The following ZNF618 variants were observed in gnomAD, a reference collection of about 807,000 sequenced individuals.
ZNF618 encodes neural precursor cell expressed, developmentally down-regulated 10.
ZNF618 carries 34 observed loss-of-function variants against 103.0 expected under a neutral mutation model. The observed-to-expected ratio is 0.33, with a 90% CI of 0.25 to 0.44. ZNF618 has a LOEUF of 0.44. Among genes scored for constraint, ZNF618 ranks in the 20% least tolerant of loss-of-function variants. ZNF618 has a pLI of 1.00. For missense variants in ZNF618, 1,059 were observed against 1,295.4 expected, an observed-to-expected ratio of 0.82 and a Z score of 2.80; for synonymous variants, 551 against 542.2, an observed-to-expected ratio of 1.02 and a Z score of -0.23.
Position 114,032,707 on chromosome 9 carries a change from A to C in ZNF618, c.1147A>C (p.Ser383Arg). 6.2e-7 allele frequency: 1 copy of C among 1,614,064 alleles called. No homozygotes were observed. The highest frequency in any genetic ancestry group is 8.5e-7 in the Non-Finnish European group (1 of 1,179,894). The change falls in exon 12 of 15, where the codon AGC becomes CGC. Residue 383 changes from serine to arginine, a missense_variant. By Grantham distance (110) the Ser-to-Arg change is moderately radical. Transcript: ENST00000374126. ...ACAAAACCACTTTGAAGAGACGAAC[A>C]GCAGTTCGCAGAACTCCAGCGGTGA... ...KAQNHFEETN[S>R]SSQNSSEPYT...
At chr9:113,970,793 A>T (rs763702428) in intron 2 of ZNF618, among the ~76,000 whole-genome samples, 6 of 149,872 alleles carry the variant, frequency 4.0e-5, no homozygotes, top group Non-Finnish European at 8.9e-5. Flanking sequence ...CTCTTTAATT[A>T]TTTCATTTTC....
intron 2 of ZNF618, among the ~76,000 whole-genome samples, chr9:113,982,358 A>G (rs938282527): frequency 5.3e-5 from 8 of 151,878 alleles, no homozygotes; most frequent in South Asian, 2.1e-4. Flanking sequence ...TCTGGTGGCC[A>G]TCGGCATTCC....
At chr9:113,960,727 A>G (rs1045796978) in intron 1 of ZNF618, among the ~76,000 whole-genome samples, 19 of 152,248 alleles carry the variant, frequency 1.2e-4, no homozygotes, top group African/African-American at 4.6e-4. Flanking sequence ...GAAGATGCCT[A>G]GACCTGGTTT....
intron 13 of ZNF618, among the ~76,000 whole-genome samples, chr9:114,047,390 GGTTTT>G (rs1845740359): frequency 6.6e-6 from 1 of 152,096 alleles, no homozygotes; most frequent in African/African-American, 2.4e-5. Flanking sequence ...ACATGGCTTT[GGTTTT>G]GTTTTGTTCA....
intron 1 of ZNF618, among the ~76,000 whole-genome samples, chr9:113,910,785 A>G (rs912915338): frequency 6.6e-6 from 1 of 151,754 alleles, no homozygotes; most frequent in African/African-American, 2.4e-5. Flanking sequence ...AGCCTAGCCC[A>G]TATCTGAATG....
rs200823587 is a variant in ZNF618, at chr9:114,039,863, T to C, written c.1246+3486T>C. ...CCTGTCAGAAATACCTGCTTTCTCC[T>C]GCCTGCAGTGGTCTCTCTCTGGGAA... is the stretch of plus-strand genomic sequence containing the variant. On this transcript the variant is annotated intron_variant, in intron 13 of 14. Coordinates refer to ENST00000374126, the MANE Select transcript of ZNF618 (RefSeq NM_001318042.2). Among the ~76,000 whole-genome samples, 4 of 152,356 alleles carry C rather than the reference T, an allele frequency of 2.6e-5. No individual in the cohort carries two copies. The East Asian group carries it at 7.7e-4, about 29-fold the overall frequency.
intron 3 of ZNF618, among the ~76,000 whole-genome samples, chr9:113,995,270 A>C (rs1232382991): frequency 6.7e-6 from 1 of 150,170 alleles, no homozygotes; most frequent in Non-Finnish European, 1.5e-5. Context: ...TCCTGGGATC[A>C]TAAAGCTCTA....
chr9:113,884,759 C>T (rs1023657848), intron 1 of ZNF618, among the ~76,000 whole-genome samples: 13 of 140,818 alleles, frequency 9.2e-5, no homozygotes, highest in East Asian at 2.3e-4. Context: ...CCTTCCTTAT[C>T]GAGACACAAA....
At chr9:113,968,350 C>T (rs999698026) in intron 1 of ZNF618, among the ~76,000 whole-genome samples, 29 of 152,136 alleles carry the variant, frequency 1.9e-4, no homozygotes, top group Non-Finnish European at 3.8e-4. Flanking sequence ...GAATTTCAGA[C>T]CTGTATTATC....
At chr9:113,951,064 T>G (rs1835518945) in intron 1 of ZNF618, among the ~76,000 whole-genome samples, 1 of 143,654 alleles carries the variant, frequency 7.0e-6, no homozygotes, top group Non-Finnish European at 1.5e-5. Flanking sequence ...GAGCTGCAAG[T>G]GGAAATTGTT....
At chr9:113,991,415 G>A (rs1840045914) in intron 3 of ZNF618, among the ~76,000 whole-genome samples, 2 of 152,204 alleles carry the variant, frequency 1.3e-5, no homozygotes, top group African/African-American at 4.8e-5. Context: ...CTTAACTGGT[G>A]TGCTACCTCA....
chr9:113,995,861 G>A (rs557259044), intron 3 of ZNF618, among the ~76,000 whole-genome samples: 22 of 152,222 alleles, frequency 1.4e-4, no homozygotes, highest in African/African-American at 4.8e-4. Flanking sequence ...GGCAGGCACC[G>A]TGGTAGGATT....
intron 10 of ZNF618, among the ~76,000 whole-genome samples, chr9:114,022,052 A>G (rs150299287): frequency 2.2e-4 from 33 of 152,278 alleles, no homozygotes; most frequent in African/African-American, 7.5e-4. Context: ...TAAAGCAGTT[A>G]TGAACATTTG....
At position 114,002,783 on chromosome 9, in the gene ZNF618, G is replaced by T. The variant is rs1170327987; in HGVS notation, c.550+121G>T. On this transcript the variant is annotated intron_variant, in intron 6 of 14. Coordinates refer to ENST00000374126, the MANE Select transcript of ZNF618 (RefSeq NM_001318042.2). ...GTGGCCTCTGAGAGACACAGTGCTG[G>T]GGTCCAAGCTTGGGGGCCAGACCAT... is the stretch of plus-strand genomic sequence containing the variant. 3.4e-5 allele frequency: 37 copies of T among 1,096,834 alleles called. No homozygotes were observed. In the East Asian group the frequency reaches 7.3e-4, roughly 22 times the overall value. The allele number at this position is 1,096,834 out of a possible 1,614,324, so 67.9% of individuals were successfully genotyped here.
At chr9:114,032,150 G>T (rs116759968) in intron 11 of ZNF618, among the ~76,000 whole-genome samples, 12 of 152,192 alleles carry the variant, frequency 7.9e-5, no homozygotes, top group Non-Finnish European at 1.6e-4. Context: ...TCCCTGTCAC[G>T]CCATCTGTTG....
chr9:113,899,884 A>G (rs779969951), intron 1 of ZNF618, among the ~76,000 whole-genome samples: 5 of 152,174 alleles, frequency 3.3e-5, no homozygotes, highest in Non-Finnish European at 7.3e-5. Context: ...ATTAATGGAT[A>G]TATCAGTTGC....
intron 5 of ZNF618, 21 bp from the exon 6 acceptor site, chr9:114,002,603 C>CCTCTCT: frequency 6.6e-7 from 1 of 1,515,432 alleles, no homozygotes; most frequent in Non-Finnish European, 9.0e-7. Context: ...CACCCCCATC[C>CCTCTCT]CTCTCTCTCT....
intron 10 of ZNF618, among the ~76,000 whole-genome samples, chr9:114,024,279 G>GTTTCT (rs1843308958): frequency 2.0e-5 from 3 of 151,860 alleles, no homozygotes; most frequent in African/African-American, 7.3e-5. Flanking sequence ...GTTTCATTTG[G>GTTTCT]TTTCTTTTTA....
chr9:113,960,980 G>T (rs1307793427), intron 1 of ZNF618, among the ~76,000 whole-genome samples: 1 of 152,216 alleles, frequency 6.6e-6, no homozygotes, highest in East Asian at 1.9e-4. Flanking sequence ...ACCCAGCGAA[G>T]TTCACGGGCC....
Sources: gnomAD v4.1 joint callset for allele counts (sites outside exome capture counted in the v4.1 genomes callset) on GRCh38, gnomAD v4.1.1 for gene constraint, MANE v1.5 for transcripts, NCBI Gene and HGNC (gene_info 2026-07-23, HGNC 2026-07-21) for gene names.